Variants in SORBS3 observed in about 807,000 individuals in gnomAD.
SORBS3 encodes the protein vinexin.
In SORBS3, 69 loss-of-function variants were observed where a neutral mutation model predicts 98.0. The observed-to-expected ratio is 0.70, with a 90% CI of 0.58 to 0.86. The LOEUF is 0.86. Ranked by LOEUF, SORBS3 falls within the 40% of genes least tolerant of loss-of-function variation. SORBS3 has a pLI of 0.00. For synonymous variants in SORBS3, 394 were observed against 355.4 expected (o/e 1.11, Z -1.22); for missense variants, 954 against 908.5 (o/e 1.05, Z -0.64).
rs1840418927 is a variant in SORBS3 at position 22,566,327 on chromosome 8, T to C, written c.951-18T>C. The C allele has an allele frequency of 6.2e-7, 1 of 1,610,564 alleles. No homozygotes were observed. The highest frequency in any genetic ancestry group is 1.3e-5 in the African/African-American group (1 of 74,980). Reference sequence around the variant, plus strand: ...GCGGAGCCCCAGGCTGGAGGCTCAGTCTCTGTGCCCCGTGCAGCCCGGCCT... The same window carrying C: ...GCGGAGCCCCAGGCTGGAGGCTCAGCCTCTGTGCCCCGTGCAGCCCGGCCT... On this transcript the variant is annotated intron_variant, in intron 12 of 20. Transcript: ENST00000240123.
intron 4 of SORBS3, among the ~76,000 whole-genome samples, chr8:22,557,759 G>A (rs1181326374): frequency 6.6e-6 from 1 of 152,170 alleles, no homozygotes; most frequent in South Asian, 2.1e-4. Context: ...GCTGCAGTGA[G>A]CTATGATCAT....
intron 1 of SORBS3, among the ~76,000 whole-genome samples, chr8:22,545,947 G>A (rs968626384): frequency 6.6e-6 from 1 of 152,134 alleles, no homozygotes; most frequent in Admixed American, 6.5e-5. Flanking sequence ...CAATAGTTCT[G>A]TCAGCAGGCA....
rs1438520875 is a variant in SORBS3 at position 22,561,879 on chromosome 8, G to A, written c.532G>A (p.Gly178Arg). 1.9e-6 allele frequency: 3 copies of A among 1,614,048 alleles called. No individual in the cohort carries two copies. The highest frequency in any genetic ancestry group is 2.5e-6 in the Non-Finnish European group (3 of 1,180,012). ...EEPPRDPRHL[G>R]AQQRPAHRPG... The stretch of plus-strand genomic sequence containing the variant: ...CTCCTCTGCAGACCCCAGGCATCTA[G>A]GAGCCCAGCAAAGACCTGCCCACAG... Residue 178 changes from glycine (G) to arginine (R), a missense_variant, in exon 7 of 21, where the codon GGA (glycine) becomes AGA (arginine). Coordinates refer to ENST00000240123, the MANE Select transcript of SORBS3 (RefSeq NM_005775.5).
chr8:22,566,562 C>T, intron 13 of SORBS3, 78 bp downstream of exon 13: 4 of 1,583,688 alleles, frequency 2.5e-6, no homozygotes, highest in Non-Finnish European at 3.4e-6. Flanking sequence ...GGTGGCAGGT[C>T]ACAGAGCCCC....
rs754148121 is a variant in SORBS3 at position 22,572,370 on chromosome 8, G to C, written c.1878G>C (p.Gln626His). 6.2e-7 allele frequency: 1 copy of C among 1,614,118 alleles called. No homozygotes were observed. The highest frequency in any genetic ancestry group is 1.7e-5 in the Admixed American group (1 of 60,032). ...GGGCGATGTACCAGTACAGGCCCCA[G>C]AACGAAGACGAGCTGGAGCTGCGCG... ...PYRAMYQYRP[Q>H]NEDELELREG... Residue 626 changes from glutamine (Q) to histidine (H), a missense_variant, in exon 20 of 21, where the codon CAG becomes CAC. Gln to His is a conservative substitution (Grantham distance 24). Coordinates refer to ENST00000240123, the MANE Select transcript of SORBS3 (RefSeq NM_005775.5).
At chr8:22,568,846 T>C (rs1007424273) in intron 16 of SORBS3, among the ~76,000 whole-genome samples, 12 of 152,224 alleles carry the variant, frequency 7.9e-5, no homozygotes, top group African/African-American at 2.7e-4. Context: ...GTGGTCCAAC[T>C]TAAACTCTCT....
chr8:22,554,517 C>T lies in SORBS3; in HGVS notation c.11C>T (p.Pro4Leu), dbSNP rs983508520. 1.2e-6 allele frequency: 2 copies of T among 1,611,762 alleles called. No individual in the cohort carries two copies. Among genetic ancestry groups the T allele is most frequent in the East Asian group, 2.2e-5 (1 of 44,884 alleles). ...CACCTTGACCCAAGCATGCAGGGCC[C>T]ACCCCGCAGCCTCCGCGCTGGGCTC... MQG[P>L]PRSLRAGLSL... Residue 4 changes from proline (P) to leucine (L), a missense_variant, in exon 2 of 21, where the codon CCA (proline) becomes CTA (leucine). Coordinates refer to ENST00000240123, the MANE Select transcript of SORBS3 (RefSeq NM_005775.5). The surrounding 1 kb of genome is among the most constrained non-coding windows in gnomAD (Gnocchi z 6.5).
At chr8:22,560,928 C>T (rs2449344) in intron 5 of SORBS3, 7,689 of 178,908 alleles carry the variant, frequency 0.043, 240 homozygotes, top group Non-Finnish European at 0.065. Flanking sequence ...CCAGGAAGCC[C>T]CAGAAATTCC....
At position 22,554,200 on chromosome 8, in the gene SORBS3, T is replaced by G; in HGVS notation, c.-55-252T>G. 8.5e-6 allele frequency: 1 copy of G among 117,594 alleles called. No homozygotes were observed. Among genetic ancestry groups the G allele is most frequent in the Non-Finnish European group, 1.7e-5 (1 of 59,168 alleles). 7.3% of individuals were successfully genotyped at this position (117,594 alleles called of 1,614,324 possible). A position where few individuals can be genotyped will look rare whatever the true frequency, so the allele number is the denominator to read the frequency against. ...CCCTCCTCCTCACCCAAGCTCCCCC[T>G]CCCCCACTCCCACCCGGAGCTCCTG... is the stretch of plus-strand genomic sequence containing the variant. On this transcript the variant is annotated intron_variant, in intron 1 of 20. Coordinates refer to ENST00000240123, the MANE Select transcript of SORBS3 (RefSeq NM_005775.5). The surrounding 1 kb of genome is among the most constrained non-coding windows in gnomAD (Gnocchi z 6.5).
Position 22,569,160 on chromosome 8 carries a change from G to C in SORBS3, c.1318G>C (p.Asp440His), listed in dbSNP as rs773743238. The C allele has an allele frequency of 6.2e-7, 1 of 1,606,966 alleles. No homozygotes were observed. Among genetic ancestry groups the C allele is most frequent in the Admixed American group, 1.7e-5 (1 of 59,250 alleles). Residue 440 changes from aspartate to histidine, a missense_variant, in exon 17 of 21, where the codon GAT becomes CAT. Coordinates refer to ENST00000240123, the MANE Select transcript of SORBS3 (RefSeq NM_005775.5). ...PANYVEVLPADEIPKPIKPPT... is the reference protein window; with the variant it reads ...PANYVEVLPAHEIPKPIKPPT... ...TTTCTTCATGCAGGTGCTGCCCGCA[G>C]ATGAGATCCCTAAGCCCATCAAGCC...
At chr8:22,573,718 C>G (rs1202373516) in intron 20 of SORBS3, among the ~76,000 whole-genome samples, 1 of 152,186 alleles carries the variant, frequency 6.6e-6, no homozygotes, top group Non-Finnish European at 1.5e-5. Context: ...AGTCAGGGTG[C>G]CAGCCTGGAA....
chr8:22,554,248 A>C lies in SORBS3; in HGVS notation c.-55-204A>C. On this transcript the variant is annotated intron_variant, in intron 1 of 20. Coordinates refer to ENST00000240123, the MANE Select transcript of SORBS3 (RefSeq NM_005775.5). The surrounding 1 kb of genome is among the most constrained non-coding windows in gnomAD (Gnocchi z 6.5). Reference sequence around the variant, plus strand: ...CTGCCCTGGGCCTAACAAGTGGTCCATTGTGCCCCTGGGAGCCGGCAGGCA... The same window carrying C: ...CTGCCCTGGGCCTAACAAGTGGTCCCTTGTGCCCCTGGGAGCCGGCAGGCA... The C allele has an allele frequency of 3.0e-6, 1 of 334,896 alleles. No homozygotes were observed. Among genetic ancestry groups the C allele is most frequent in the Non-Finnish European group, 5.5e-6 (1 of 183,212 alleles). 20.7% of individuals were successfully genotyped at this position (334,896 alleles called of 1,614,324 possible).
intron 15 of SORBS3, 82 bp downstream of exon 15, chr8:22,566,950 C>A: frequency 6.4e-7 from 1 of 1,560,570 alleles, no homozygotes; most frequent in Non-Finnish European, 8.8e-7. Context: ...GACTGGGCTG[C>A]AGTGGGCATC....
chr8:22,564,280 C>G lies in SORBS3; in HGVS notation c.676-3C>G. Reference sequence around the variant, plus strand: ...AAGCTGACACCCACCCACCTCCACGCAGGTGCTCAGACGCCGGGAAAAAGT... The same window carrying G: ...AAGCTGACACCCACCCACCTCCACGGAGGTGCTCAGACGCCGGGAAAAAGT... On this transcript the variant is annotated splice_region_variant and splice_polypyrimidine_tract_variant and intron_variant, in intron 8 of 20. Coordinates refer to ENST00000240123, the MANE Select transcript of SORBS3 (RefSeq NM_005775.5). 1 of 1,587,008 alleles carries G rather than the reference C, an allele frequency of 6.3e-7. No individual in the cohort carries two copies. The highest frequency in any genetic ancestry group is 8.6e-7 in the Non-Finnish European group (1 of 1,165,172).
At chr8:22,569,088 C>T in intron 16 of SORBS3, 60 bp from the exon 17 acceptor site, 1 of 1,508,050 alleles carries the variant, frequency 6.6e-7, no homozygotes, top group Non-Finnish European at 8.9e-7. Context: ...CACAGGAACC[C>T]CCAGCCTGTG....
Position 22,571,222 on chromosome 8 carries a change from G to C in SORBS3, c.1743+1G>C. ...CCAGGAGCCTAGACCCCAGACCCAG[G>C]TGAGGTAGCCTGCCTCCACCAGAGA... On this transcript the variant is annotated splice_donor_variant, in intron 18 of 20. Transcript: ENST00000240123. LOFTEE classifies it high-confidence loss of function. 6.5e-7 allele frequency: 1 copy of C among 1,527,814 alleles called. No homozygotes were observed. Among genetic ancestry groups the C allele is most frequent in the Non-Finnish European group, 8.8e-7 (1 of 1,139,240 alleles). The allele number at this position is 1,527,814 out of a possible 1,614,324, so 94.6% of individuals were successfully genotyped here.
intron 17 of SORBS3, among the ~76,000 whole-genome samples, chr8:22,569,582 C>G (rs1381368912): frequency 1.3e-5 from 2 of 152,188 alleles, no homozygotes; most frequent in Non-Finnish European, 2.9e-5. Context: ...TCATAATCCA[C>G]CCGCCTCAGC....
intron 1 of SORBS3, among the ~76,000 whole-genome samples, chr8:22,546,189 G>C (rs908219722): frequency 6.6e-6 from 1 of 152,078 alleles, no homozygotes; most frequent in Non-Finnish European, 1.5e-5. Context: ...TAATTTGTTA[G>C]GACTTTTGTA....
Position 22,572,373 on chromosome 8 carries a change from C to G in SORBS3, c.1881C>G (p.Asn627Lys), listed in dbSNP as rs200907332. The stretch of plus-strand genomic sequence containing the variant: ...CGATGTACCAGTACAGGCCCCAGAA[C>G]GAAGACGAGCTGGAGCTGCGCGAGG... ...YRAMYQYRPQNEDELELREGD... is the reference protein window; with the variant it reads ...YRAMYQYRPQKEDELELREGD... The change falls in exon 20 of 21, where the codon AAC (asparagine) becomes AAG (lysine). Residue 627 changes from asparagine to lysine, a missense_variant. Transcript: ENST00000240123. 2 of 1,614,082 alleles carry G rather than the reference C, an allele frequency of 1.2e-6. No individual in the cohort carries two copies. Among genetic ancestry groups the G allele is most frequent in the Admixed American group, 3.3e-5 (2 of 60,030 alleles).
Sources: gnomAD v4.1 joint callset for allele counts (sites outside exome capture counted in the v4.1 genomes callset) on GRCh38, gnomAD v4.1.1 for gene constraint, Gnocchi (gnomAD v3.1) non-coding constraint, MANE v1.5 for transcripts, NCBI Gene and HGNC (gene_info 2026-07-23, HGNC 2026-07-21) for gene names.